Variants in GRK1 observed in about 807,000 individuals in gnomAD.
The protein encoded by GRK1 is G protein-coupled receptor kinase 1, also known as rhodopsin kinase GRK1.
A neutral mutation model predicts 41.7 loss-of-function variants in GRK1; 28 were observed. That is an observed-to-expected ratio of 0.67 (90% CI 0.50 to 0.92). GRK1 has a LOEUF of 0.92. Among genes scored for constraint, GRK1 ranks in the 40% least tolerant of loss-of-function variants. GRK1 has a pLI of 0.00. For synonymous variants in GRK1, 327 were observed against 286.7 expected (o/e 1.14, Z -1.42); for missense variants, 703 against 671.2 (o/e 1.05, Z -0.52).
At chr13:113,723,721 G>A (rs1451350287) in intron 4 of GRK1, among the ~76,000 whole-genome samples, 1 of 151,920 alleles carries the variant, frequency 6.6e-6, no homozygotes, top group African/African-American at 2.4e-5. Context: ...AGTGATTTTG[G>A]GTCTCAAGAT....
upstream of GRK1, among the ~76,000 whole-genome samples, chr13:113,665,753 C>T (rs1255497174): frequency 6.3e-5 from 9 of 143,212 alleles, no homozygotes; most frequent in Admixed American, 2.8e-4. Flanking sequence ...GTGTGTCCTA[C>T]GTGTGCACCA....
chr13:113,733,973 T>C (rs1301550029), intron 6 of GRK1, among the ~76,000 whole-genome samples: 4 of 119,780 alleles, frequency 3.3e-5, no homozygotes, highest in Admixed American at 3.2e-4. Flanking sequence ...TGTGTGCGTG[T>C]GTGCGCATGT....
At chr13:113,730,073 C>T (rs1247600530) in intron 4 of GRK1, among the ~76,000 whole-genome samples, 4 of 134,100 alleles carry the variant, frequency 3.0e-5, no homozygotes, top group African/African-American at 1.1e-4. Flanking sequence ...ACACAGTCCC[C>T]CAGTCCCCGT....
In GRK1 at chr13:113,735,880, C is replaced by T. The variant is rs946583289; in HGVS notation, c.*517C>T. The T allele has an allele frequency of 6.5e-6, 1 of 152,756 alleles. No homozygotes were observed. Among genetic ancestry groups the T allele is most frequent in the Non-Finnish European group, 1.5e-5 (1 of 68,452 alleles). The allele number at this position is 152,756 out of a possible 1,614,324, so 9.5% of individuals were successfully genotyped here. A position where few individuals can be genotyped will look rare whatever the true frequency, so the allele number is the denominator to read the frequency against. ...CCCCCCAGGTCCCTCTGTGCAGGCT[C>T]CTGACTTCCAGGGTGCCCGGGCCCT... On this transcript the variant is annotated 3_prime_UTR_variant, in exon 7 of 7. Coordinates refer to ENST00000335678, the MANE Select transcript of GRK1 (RefSeq NM_002929.3).
chr13:113,724,490 T>C (rs1447598741), intron 4 of GRK1, among the ~76,000 whole-genome samples: 2 of 151,944 alleles, frequency 1.3e-5, no homozygotes, highest in African/African-American at 4.8e-5. Flanking sequence ...GCACTGGGCG[T>C]ATTTGTGCCG....
chr13:113,658,105 T>C, the GRK1 span: 2 of 1,612,896 alleles, frequency 1.2e-6, no homozygotes, highest in Non-Finnish European at 1.7e-6. Context: ...AACTCCTCCA[T>C]GCGCTGGCCA....
the GRK1 span, chr13:113,649,393 T>A: frequency 6.3e-7 from 1 of 1,595,122 alleles, no homozygotes. The surrounding 1 kb of genome is among the most constrained non-coding windows in gnomAD (Gnocchi z 4.7). Context: ...AATCTTGAGT[T>A]TGAACTCCAC....
At chr13:113,668,634 C>T (rs937003762) in intron 1 of GRK1, among the ~76,000 whole-genome samples, 5 of 152,248 alleles carry the variant, frequency 3.3e-5, no homozygotes, top group African/African-American at 1.2e-4. Flanking sequence ...GCAGGCCGCT[C>T]TAAGTTTCAT....
At chr13:113,658,808 A>T in the GRK1 span, among the ~76,000 whole-genome samples, 21 of 152,138 alleles carry the variant, frequency 1.4e-4, no homozygotes, top group Non-Finnish European at 1.5e-5. Context: ...GCCCTTTAGG[A>T]TTTTTTTGTG....
At chr13:113,650,556 C>T in the GRK1 span, 1,892 of 1,503,900 alleles carry the variant, frequency 1.3e-3, 10 homozygotes, top group African/African-American at 0.023. This position sits in a 1 kb window ranked among gnomAD's most constrained non-coding sequence, Gnocchi z 5.0. Context: ...TGGTGTGTGC[C>T]GGTGTCTGTG....
At chr13:113,655,897 T>C in the GRK1 span, among the ~76,000 whole-genome samples, 1 of 152,346 alleles carries the variant, frequency 6.6e-6, no homozygotes, top group African/African-American at 2.4e-5. Flanking sequence ...TGAGCTGTGA[T>C]GAGAGGCTGT....
At chr13:113,653,543 C>T in the GRK1 span, 1 of 875,966 alleles carries the variant, frequency 1.1e-6, no homozygotes, top group Non-Finnish European at 1.8e-6. Context: ...AACCCAGGAG[C>T]CTCCTCGGAG....
At chr13:113,670,700 G>A (rs1300930972) in intron 2 of GRK1, among the ~76,000 whole-genome samples, 1 of 126,428 alleles carries the variant, frequency 7.9e-6, no homozygotes, top group African/African-American at 2.7e-5. Context: ...GCTGGGAAAC[G>A]CAGACACAGG....
chr13:113,669,931 G>A, intron 2 of GRK1, 117 bp downstream of exon 2: 1 of 1,271,868 alleles, frequency 7.9e-7, no homozygotes, highest in Admixed American at 2.2e-5. Flanking sequence ...TGCCCTCGAG[G>A]GAAGCCTTGC....
rs1199983284 is a variant in GRK1 at position 113,731,972 on chromosome 13, CT to C, written c.1194+630del. On this transcript the variant is annotated intron_variant, in intron 5 of 6. Transcript: ENST00000335678. This position sits in a 1 kb window ranked among gnomAD's most constrained non-coding sequence, Gnocchi z 5.6. ...ACCTAGTGGGGCTGCTGGGTCTCCC[CT>C]GAGTGCCCCCTGGGCTGCCCCGGAT... 6.6e-6 allele frequency among the ~76,000 whole-genome samples: 1 copy of C among 152,220 alleles called. No homozygotes were observed. The highest frequency in any genetic ancestry group is 2.4e-5 in the African/African-American group (1 of 41,452).
At chr13:113,653,028 C>G in the GRK1 span, 2 of 1,613,874 alleles carry the variant, frequency 1.2e-6, no homozygotes, top group Non-Finnish European at 1.7e-6. Flanking sequence ...AAGTACTGCT[C>G]GGAGGTGCAG....
At chr13:113,655,047 C>T in the GRK1 span, 1 of 1,457,968 alleles carries the variant, frequency 6.9e-7, no homozygotes. Flanking sequence ...TCTTCCCTAC[C>T]TAGTTCCAGA....
rs1366266727 is a variant in GRK1, at chr13:113,668,218, C to T, written c.699+133C>T. ...CTGGTGCCTAAGGGAGCATGCATGC[C>T]AGCCTCGCCACGTGGGCGCCCCGCG... is the stretch of plus-strand genomic sequence containing the variant. On this transcript the variant is annotated intron_variant, in intron 1 of 6. Coordinates refer to ENST00000335678, the MANE Select transcript of GRK1 (RefSeq NM_002929.3). The T allele has an allele frequency of 3.8e-5, 36 of 958,262 alleles. No individual in the cohort carries two copies. In the East Asian group the frequency reaches 8.2e-4, roughly 22 times the overall value. 59.4% of individuals were successfully genotyped at this position (958,262 alleles called of 1,614,324 possible).
chr13:113,728,229 T>C (rs1373590204), intron 4 of GRK1, among the ~76,000 whole-genome samples: 1 of 103,502 alleles, frequency 9.7e-6, no homozygotes, highest in Non-Finnish European at 1.9e-5. Flanking sequence ...GGAGTACCCA[T>C]GGCGAGGAGT....
Sources: gnomAD v4.1 joint callset for allele counts (sites outside exome capture counted in the v4.1 genomes callset) on GRCh38, gnomAD v4.1.1 for gene constraint, Gnocchi (gnomAD v3.1) non-coding constraint, MANE v1.5 for transcripts, NCBI Gene and HGNC (gene_info 2026-07-23, HGNC 2026-07-21) for gene names.